Variants in KIAA0513 observed in about 807,000 individuals in gnomAD.
KIAA0513 encodes KIAA0513.
Under a neutral mutation model 56.5 loss-of-function variants are expected in KIAA0513, and 39 were observed. That is an observed-to-expected ratio of 0.69 (90% CI 0.53 to 0.90). The LOEUF (loss-of-function observed/expected upper bound fraction) is 0.90, where lower values mean the gene tolerates loss of function less well. Ranked by LOEUF, KIAA0513 falls within the 40% of genes least tolerant of loss-of-function variation. The pLI is 0.00. For missense variants in KIAA0513, 591 were observed against 535.2 expected (o/e 1.10, Z -1.03); for synonymous variants, 268 against 215.6 (o/e 1.24, Z -2.13).
intron 1 of KIAA0513, among the ~76,000 whole-genome samples, chr16:85,029,518 A>G (rs2072933879): frequency 6.6e-6 from 1 of 152,228 alleles, no homozygotes; most frequent in Non-Finnish European, 1.5e-5. Context: ...CACGACAATA[A>G]CTGCTTCTTC....
chr16:85,049,799 C>A (rs1360680152), intron 1 of KIAA0513, among the ~76,000 whole-genome samples: 1 of 152,188 alleles, frequency 6.6e-6, no homozygotes, highest in Admixed American at 6.5e-5. Context: ...TTCGTTATAG[C>A]AGTGCAAGAA....
chr16:85,071,981 A>C (rs2073583671), intron 3 of KIAA0513, 99 bp downstream of exon 3: 3 of 815,298 alleles, frequency 3.7e-6, no homozygotes, highest in Non-Finnish European at 6.1e-6. Flanking sequence ...CACTCTGGAG[A>C]AAAGAGTCAA....
At chr16:85,068,016 G>A (rs1239460967) in intron 2 of KIAA0513, among the ~76,000 whole-genome samples, 8 of 151,848 alleles carry the variant, frequency 5.3e-5, no homozygotes, top group African/African-American at 1.9e-4. Flanking sequence ...TCACCATGTT[G>A]GTCAAGCTGG....
chr16:85,085,640 G>C (rs886604506), intron 10 of KIAA0513, among the ~76,000 whole-genome samples: 3 of 152,228 alleles, frequency 2.0e-5, no homozygotes, highest in African/African-American at 7.2e-5. Flanking sequence ...GAGGCCCCAG[G>C]CCCTGGAGGG....
rs1248567840 is a variant in KIAA0513, at chr16:85,086,102, C to T, written c.1011-542C>T. The stretch of plus-strand genomic sequence containing the variant: ...AGGGGACAGTGTGGCCCTCAGCGCC[C>T]TCAGCCTCTGTGGAAGCTGCCATCC... On this transcript the variant is annotated intron_variant, in intron 10 of 12. Coordinates refer to ENST00000683363, the MANE Select transcript of KIAA0513 (RefSeq NM_001388359.1). 5.3e-5 allele frequency among the ~76,000 whole-genome samples: 8 copies of T among 152,352 alleles called. 2 individuals are homozygous for T. Among genetic ancestry groups the T allele is most frequent in the Admixed American group, 5.2e-4 (8 of 15,308 alleles).
chr16:85,040,011 T>C (rs1276553038), intron 1 of KIAA0513, among the ~76,000 whole-genome samples: 1 of 151,674 alleles, frequency 6.6e-6, no homozygotes, highest in Non-Finnish European at 1.5e-5. Flanking sequence ...ATTTTGTATT[T>C]GTAGTAGAGA....
chr16:85,063,482 T>G (rs1024250271), intron 1 of KIAA0513: 1 of 152,198 alleles, frequency 6.6e-6, no homozygotes, highest in Admixed American at 6.5e-5. Context: ...GCCAGGCTGG[T>G]CTTGAACTCC....
In KIAA0513 at chr16:85,090,311, C is replaced by G. The variant is rs368954408; in HGVS notation, c.*1986C>G. 2.0e-5 allele frequency: 3 copies of G among 152,212 alleles called. No individual in the cohort carries two copies. The highest frequency in any genetic ancestry group is 2.0e-4 in the Admixed American group (3 of 15,276). 9.4% of individuals were successfully genotyped at this position (152,212 alleles called of 1,614,324 possible). A position where few individuals can be genotyped will look rare whatever the true frequency, so the allele number is the denominator to read the frequency against. ...GTCCAGGCGCTCCCTTCAGCCGCCT[C>G]GTCGTCAGCGTTCTTAGTCATGCAT... On this transcript the variant is annotated 3_prime_UTR_variant, in exon 13 of 13. Transcript: ENST00000683363.
intron 1 of KIAA0513, among the ~76,000 whole-genome samples, chr16:85,052,281 C>T (rs1382993835): frequency 2.6e-5 from 4 of 152,090 alleles, no homozygotes. Context: ...GATCACGCCA[C>T]TGCACTCCAG....
chr16:85,070,292 G>A (rs1484331672), intron 2 of KIAA0513, among the ~76,000 whole-genome samples: 1 of 152,136 alleles, frequency 6.6e-6, no homozygotes, highest in Non-Finnish European at 1.5e-5. Context: ...CTTATTCATG[G>A]GTGCTTTTCA....
chr16:85,053,213 G>C (rs542392792), intron 1 of KIAA0513, among the ~76,000 whole-genome samples: 9 of 152,084 alleles, frequency 5.9e-5, no homozygotes, highest in Non-Finnish European at 1.0e-4. Flanking sequence ...AGATAACCTC[G>C]CTAGTCATTT....
intron 1 of KIAA0513, among the ~76,000 whole-genome samples, chr16:85,057,379 G>A (rs767590079): frequency 7.2e-5 from 11 of 152,216 alleles, no homozygotes; most frequent in Admixed American, 2.0e-4. Context: ...ATCACCAAGT[G>A]TACAGGGCGA....
chr16:85,087,041 G>T, intron 11 of KIAA0513, 31 bp from the exon 12 acceptor site: 3 of 1,606,356 alleles, frequency 1.9e-6, no homozygotes, highest in Non-Finnish European at 2.6e-6. Flanking sequence ...TGGGAGGCCA[G>T]CGGGTGACGC....
chr16:85,067,270 G>T lies in KIAA0513; in HGVS notation c.199G>T (p.Asp67Tyr), dbSNP rs540181479. Residue 67 changes from aspartate to tyrosine, a missense_variant, in exon 2 of 13, where the codon GAC becomes TAC. Coordinates refer to ENST00000683363, the MANE Select transcript of KIAA0513 (RefSeq NM_001388359.1). ...MGESPSHPSWDQDRRSSSNES... is the reference protein window; with the variant it reads ...MGESPSHPSWYQDRRSSSNES... ...CGAGTCGCCCTCGCACCCGTCCTGG[G>T]ACCAAGACCGCCGTTCCTCCTCCAA... 1.2e-6 allele frequency: 2 copies of T among 1,614,014 alleles called. No individual in the cohort carries two copies. Among genetic ancestry groups the T allele is most frequent in the South Asian group, 2.2e-5 (2 of 91,084 alleles).
chr16:85,042,770 G>A (rs753893879), intron 1 of KIAA0513, among the ~76,000 whole-genome samples: 6 of 152,206 alleles, frequency 3.9e-5, no homozygotes, highest in Admixed American at 2.6e-4. Flanking sequence ...CAGCAGTGCC[G>A]TGCACAGAGG....
At chr16:85,053,990 CAA>C (rs770896525) in intron 1 of KIAA0513, among the ~76,000 whole-genome samples, 11 of 80,696 alleles carry the variant, frequency 1.4e-4, no homozygotes, top group Admixed American at 2.8e-4. Context: ...GACTCTGTCT[CAA>C]AAAAAAAAAA....
rs943353164 is a variant in KIAA0513, at chr16:85,088,748, C to T, written c.*423C>T. On this transcript the variant is annotated 3_prime_UTR_variant, in exon 13 of 13. Transcript: ENST00000683363. ...CAGTGGTGGAGGGCCGGCGCTGCCA[C>T]TCACGGTGGGTGGCCGTGGGCCACC... 4 of 176,792 alleles carry T rather than the reference C, an allele frequency of 2.3e-5. No homozygotes were observed. The highest frequency in any genetic ancestry group is 4.8e-5 in the Non-Finnish European group (4 of 83,760). The allele number at this position is 176,792 out of a possible 1,614,324, so 11.0% of individuals were successfully genotyped here. A position where few individuals can be genotyped will look rare whatever the true frequency, so the allele number is the denominator to read the frequency against.
At chr16:85,042,071 AG>A (rs1415369939) in intron 1 of KIAA0513, among the ~76,000 whole-genome samples, 1 of 152,180 alleles carries the variant, frequency 6.6e-6, no homozygotes, top group Non-Finnish European at 1.5e-5. Flanking sequence ...AGAATTAATT[AG>A]TGCACAGCTG....
chr16:85,085,979 C>T (rs938873880), intron 10 of KIAA0513, among the ~76,000 whole-genome samples: 1 of 152,140 alleles, frequency 6.6e-6, no homozygotes, highest in African/African-American at 2.4e-5. Context: ...GGGGCCTGGT[C>T]TGTGTTATTT....
Sources: allele counts gnomAD v4.1 joint callset (sites outside exome capture counted in the v4.1 genomes callset), GRCh38; gene constraint gnomAD v4.1.1; transcripts MANE v1.5; gene names NCBI Gene and HGNC (gene_info 2026-07-23, HGNC 2026-07-21).